The following AIDA variants were observed in gnomAD, a reference collection of about 807,000 sequenced individuals.
AIDA encodes axin interactor, dorsalization-associated protein.
A neutral mutation model predicts 42.7 loss-of-function variants in AIDA; 18 were observed. The ratio of observed to expected loss-of-function variants is 0.42; its 90% CI spans 0.29 to 0.63. The LOEUF is 0.63. AIDA is among the 20% of genes least tolerant of loss of function. The pLI is 0.19. For synonymous variants in AIDA, 104 were observed against 122.9 expected (o/e 0.85, Z 1.02); for missense variants, 250 against 354.1 (o/e 0.71, Z 2.36).
At chr1:222,689,511 A>G (rs1223211521) in intron 4 of AIDA, among the ~76,000 whole-genome samples, 1 of 77,866 alleles carries the variant, frequency 1.3e-5, no homozygotes, top group African/African-American at 4.5e-5. Context: ...ATATATATAT[A>G]TATATATATA....
At chr1:222,688,862 G>A (rs921459285) in intron 4 of AIDA, among the ~76,000 whole-genome samples, 2 of 151,896 alleles carry the variant, frequency 1.3e-5, no homozygotes, top group Non-Finnish European at 2.9e-5. Context: ...CCTCCCCCCA[G>A]AAAAAGTTAA....
intron 6 of AIDA, among the ~76,000 whole-genome samples, chr1:222,683,231 A>G (rs999403762): frequency 3.9e-5 from 6 of 152,200 alleles, no homozygotes; most frequent in African/African-American, 1.4e-4. Context: ...ACTTCAGATG[A>G]TATTAACTGC....
chr1:222,709,448 C>A (rs968592970), intron 1 of AIDA, among the ~76,000 whole-genome samples: 1 of 151,542 alleles, frequency 6.6e-6, no homozygotes, highest in South Asian at 2.1e-4. Flanking sequence ...ACAAAACAAA[C>A]AAAAAAAGAA....
chr1:222,705,113 T>C (rs1423332660), intron 1 of AIDA, among the ~76,000 whole-genome samples: 1 of 152,188 alleles, frequency 6.6e-6, no homozygotes, highest in Non-Finnish European at 1.5e-5. Flanking sequence ...ATAATTAGCT[T>C]CAAAAAAACT....
At chr1:222,712,166 G>A in intron 1 of AIDA, 42 bp downstream of exon 1, 5 of 1,558,322 alleles carry the variant, frequency 3.2e-6, no homozygotes, top group Non-Finnish European at 2.6e-6. Context: ...AGAGGCGCAC[G>A]ACTGGAGCCG....
chr1:222,672,114 A>G (rs1664459846), intron 8 of AIDA, among the ~76,000 whole-genome samples: 1 of 152,188 alleles, frequency 6.6e-6, no homozygotes, highest in African/African-American at 2.4e-5. Context: ...ATTAACACTA[A>G]TATCAGTTAA....
intron 4 of AIDA, among the ~76,000 whole-genome samples, chr1:222,692,282 T>A (rs988933402): frequency 1.4e-4 from 21 of 152,154 alleles, no homozygotes; most frequent in African/African-American, 4.8e-4. Context: ...GCTCATTCAG[T>A]AGACTCTACA....
At chr1:222,694,174 A>T (rs1345507161) in intron 3 of AIDA, 36 bp downstream of exon 3, 1 of 1,560,932 alleles carries the variant, frequency 6.4e-7, no homozygotes, top group South Asian at 1.2e-5. Context: ...AGAATAATTT[A>T]TTTTCCTTGT....
chr1:222,668,656 G>C lies in AIDA; in HGVS notation c.*1237C>G, dbSNP rs1179442305. The C allele has an allele frequency of 3.1e-5, 3 of 98,180 alleles. No homozygotes were observed. Among genetic ancestry groups the C allele is most frequent in the African/African-American group, 8.2e-5 (2 of 24,514 alleles). 6.1% of individuals were successfully genotyped at this position (98,180 alleles called of 1,614,324 possible). The stretch of plus-strand genomic sequence containing the variant: ...TGGTATGACTAGGGTGATTACACTA[G>C]TTTAAAAATAGGCCAGGTACTGACA... On this transcript the variant is annotated 3_prime_UTR_variant, in exon 10 of 10. Transcript: ENST00000340020.
chr1:222,701,882 C>A (rs1435048488), intron 2 of AIDA, among the ~76,000 whole-genome samples: 3 of 152,102 alleles, frequency 2.0e-5, no homozygotes, highest in South Asian at 2.1e-4. Context: ...CACCACTACA[C>A]TCAGCTAATT....
At chr1:222,712,101 C>G in intron 1 of AIDA, 107 bp downstream of exon 1, 1 of 1,514,002 alleles carries the variant, frequency 6.6e-7, no homozygotes. Flanking sequence ...GGAGCCCCAC[C>G]CTGAGAAGCC....
chr1:222,670,254 A>C lies in AIDA; in HGVS notation c.707-4T>G. ...AATTCAAAGAAGATAGCTGCACCTA[A>C]GGAATTAAAACAAGCCACATAAACC... On this transcript the variant is annotated splice_polypyrimidine_tract_variant and splice_region_variant and intron_variant, in intron 8 of 9. Transcript: ENST00000340020. 6.2e-7 allele frequency: 1 copy of C among 1,611,118 alleles called. No homozygotes were observed.
In AIDA at chr1:222,691,666, T is replaced by C. The variant is rs1249508100; in HGVS notation, c.289+2123A>G. On this transcript the variant is annotated intron_variant, in intron 4 of 9. Coordinates refer to ENST00000340020, the MANE Select transcript of AIDA (RefSeq NM_022831.4). ...TTAGTAAATGGTTAATTCAACTCAATAAATATCAATTAATCACTAACATAA... is the reference window on the plus strand; with the variant it reads ...TTAGTAAATGGTTAATTCAACTCAACAAATATCAATTAATCACTAACATAA... Among the ~76,000 whole-genome samples the C allele has an allele frequency of 2.6e-5, 4 of 152,254 alleles. No homozygotes were observed. In the East Asian group the frequency reaches 7.7e-4, roughly 29 times the overall value.
intron 2 of AIDA, among the ~76,000 whole-genome samples, chr1:222,697,844 T>TG (rs1444744062): frequency 6.7e-6 from 1 of 148,892 alleles, no homozygotes; most frequent in African/African-American, 2.5e-5. Flanking sequence ...CTGGAGGTGG[T>TG]GGGGGTAGAA....
chr1:222,700,558 C>G (rs1655662002), intron 2 of AIDA, among the ~76,000 whole-genome samples: 1 of 152,116 alleles, frequency 6.6e-6, no homozygotes, highest in Admixed American at 6.5e-5. Context: ...GAGATCGAGA[C>G]TATCCTGGCT....
chr1:222,685,203 C>T (rs555541703), intron 6 of AIDA, among the ~76,000 whole-genome samples: 1 of 152,304 alleles, frequency 6.6e-6, no homozygotes, highest in South Asian at 2.1e-4. Flanking sequence ...GGATGACAAG[C>T]GTAACAGCCA....
chr1:222,688,682 C>T (rs1363437928), intron 4 of AIDA, among the ~76,000 whole-genome samples: 3 of 152,026 alleles, frequency 2.0e-5, no homozygotes, highest in African/African-American at 4.8e-5. Flanking sequence ...TCACTGCAAC[C>T]TCTGCCTCTC....
intron 1 of AIDA, among the ~76,000 whole-genome samples, chr1:222,704,677 T>C (rs1655793134): frequency 6.6e-6 from 1 of 151,784 alleles, no homozygotes; most frequent in South Asian, 2.1e-4. Context: ...TGATACCAAG[T>C]ATGGGGTTTC....
At chr1:222,702,023 C>G (rs1013680709) in intron 2 of AIDA, among the ~76,000 whole-genome samples, 1 of 129,698 alleles carries the variant, frequency 7.7e-6, no homozygotes, top group Non-Finnish European at 1.7e-5. Flanking sequence ...CACACCCAGC[C>G]AAAAAAAAAA....
Sources: gnomAD v4.1 joint callset for allele counts (sites outside exome capture counted in the v4.1 genomes callset) on GRCh38, gnomAD v4.1.1 for gene constraint, MANE v1.5 for transcripts, NCBI Gene and HGNC (gene_info 2026-07-23, HGNC 2026-07-21) for gene names.